Variants in UBXN7 observed in about 807,000 individuals in gnomAD.
The protein encoded by UBXN7 is UBX domain-containing protein 7.
UBXN7 carries 9 observed loss-of-function variants against 58.0 expected under a neutral mutation model. The observed-to-expected ratio is 0.16, with a 90% CI of 0.09 to 0.27. UBXN7 has a LOEUF of 0.27. UBXN7 is among the 10% of genes least tolerant of loss of function. The pLI is 1.00. For missense variants in UBXN7, 328 were observed against 599.6 expected (o/e 0.55, Z 4.73); for synonymous variants, 208 against 205.0 (o/e 1.01, Z -0.12).
At chr3:196,398,715 G>C (rs1180461149) in intron 3 of UBXN7, among the ~76,000 whole-genome samples, 1 of 152,114 alleles carries the variant, frequency 6.6e-6, no homozygotes, top group Non-Finnish European at 1.5e-5. Flanking sequence ...CTCATGCCTT[G>C]ACCTCCCAGG....
intron 1 of UBXN7, among the ~76,000 whole-genome samples, chr3:196,411,263 T>C (rs1270749998): frequency 1.3e-5 from 2 of 152,226 alleles, no homozygotes; most frequent in African/African-American, 4.8e-5. Flanking sequence ...ATGTGATCAA[T>C]GTCTGATAAA....
At chr3:196,401,430 A>G (rs921656867) in intron 3 of UBXN7, among the ~76,000 whole-genome samples, 10 of 150,684 alleles carry the variant, frequency 6.6e-5, no homozygotes, top group African/African-American at 2.4e-4. Context: ...ACATACATAT[A>G]ATTTTATTCA....
At position 196,355,766 on chromosome 3, in the gene UBXN7, C is replaced by G. The variant is rs1293197018; in HGVS notation, c.*919G>C. 1 of 152,188 alleles carries G rather than the reference C, an allele frequency of 6.6e-6. No individual in the cohort carries two copies. The highest frequency in any genetic ancestry group is 2.4e-5 in the African/African-American group (1 of 41,426). 9.4% of individuals were successfully genotyped at this position (152,188 alleles called of 1,614,324 possible). On this transcript the variant is annotated 3_prime_UTR_variant, in exon 11 of 11. Coordinates refer to ENST00000296328, the MANE Select transcript of UBXN7 (RefSeq NM_015562.2). ...ATCAATAACCATAGTGGTTACAATT[C>G]CAAGCCATTGTACTACATGATTATT...
intron 8 of UBXN7, among the ~76,000 whole-genome samples, chr3:196,367,658 T>G (rs1022596127): frequency 2.6e-5 from 4 of 152,166 alleles, no homozygotes; most frequent in African/African-American, 9.7e-5. Context: ...TATTTAGACC[T>G]GGATATCAGA....
At chr3:196,396,789 G>C (rs1729789519) in intron 3 of UBXN7, among the ~76,000 whole-genome samples, 1 of 151,914 alleles carries the variant, frequency 6.6e-6, no homozygotes, top group South Asian at 2.1e-4. Flanking sequence ...AAAAACCAAG[G>C]ATGTCTTAGA....
intron 1 of UBXN7, among the ~76,000 whole-genome samples, chr3:196,408,867 C>G (rs1730240590): frequency 6.6e-6 from 1 of 152,164 alleles, no homozygotes; most frequent in South Asian, 2.1e-4. Context: ...CAATTTCACT[C>G]TGATTTGTCA....
intron 5 of UBXN7, among the ~76,000 whole-genome samples, chr3:196,390,602 G>A (rs557488605): frequency 2.6e-5 from 4 of 152,112 alleles, no homozygotes; most frequent in East Asian, 1.9e-4. Context: ...TTAGCCAGGC[G>A]TGGTGGTGCG....
chr3:196,408,220 TA>T (rs1730222310), intron 1 of UBXN7, among the ~76,000 whole-genome samples: 1 of 152,064 alleles, frequency 6.6e-6, no homozygotes, highest in South Asian at 2.1e-4. Context: ...CTTCATCATT[TA>T]AAAATGTCCC....
In UBXN7 at chr3:196,362,890, C is replaced by A. The variant is rs527254183; in HGVS notation, c.835-203G>T. Among the ~76,000 whole-genome samples, 295 of 151,874 alleles carry A rather than the reference C, an allele frequency of 1.9e-3. 1 individual carries two copies. The highest frequency in any genetic ancestry group is 3.5e-3 in the Non-Finnish European group (240 of 67,918). Reference sequence around the variant, plus strand: ...ATGTGTGTGTATATACACACACACACGTTTTTGTTGTTTTGTTTTGTTTTG... The same window carrying A: ...ATGTGTGTGTATATACACACACACAAGTTTTTGTTGTTTTGTTTTGTTTTG... On this transcript the variant is annotated intron_variant, in intron 8 of 10. Coordinates refer to ENST00000296328, the MANE Select transcript of UBXN7 (RefSeq NM_015562.2).
intron 3 of UBXN7, among the ~76,000 whole-genome samples, chr3:196,399,143 CT>C (rs1174611846): frequency 2.0e-5 from 3 of 152,152 alleles, no homozygotes; most frequent in Non-Finnish European, 4.4e-5. Flanking sequence ...AGTGCTTTTC[CT>C]TAAGGTAATC....
chr3:196,385,160 G>A (rs1359432125), intron 5 of UBXN7, among the ~76,000 whole-genome samples: 5 of 152,136 alleles, frequency 3.3e-5, no homozygotes, highest in East Asian at 1.9e-4. Context: ...GCGCCACCAC[G>A]CCTGACTGGT....
intron 9 of UBXN7, 105 bp downstream of exon 9, chr3:196,362,189 T>G: frequency 7.1e-7 from 1 of 1,412,598 alleles, no homozygotes. Context: ...AGACAGGGTT[T>G]TGCCATGTTG....
rs759609811 is a variant in UBXN7, at chr3:196,371,862, T to C, written c.615+34A>G. 35 of 1,595,730 alleles carry C rather than the reference T, an allele frequency of 2.2e-5. 1 individual carries two copies. The South Asian group carries it at 4.0e-4, about 18-fold the overall frequency. On this transcript the variant is annotated intron_variant, in intron 6 of 10. Transcript: ENST00000296328. ...AACAACCCACACTACAAAAGTAAAA[T>C]TCTACAAAACTTCTGATTAACTCTC...
chr3:196,393,689 T>C (rs1729653869), intron 3 of UBXN7, 70 bp from the exon 4 acceptor site: 1 of 1,455,766 alleles, frequency 6.9e-7, no homozygotes, highest in Admixed American at 1.9e-5. Flanking sequence ...AATGTCCTTA[T>C]CTAAAAGTAT....
At chr3:196,390,803 G>C (rs1729559664) in intron 5 of UBXN7, among the ~76,000 whole-genome samples, 1 of 150,432 alleles carries the variant, frequency 6.6e-6, no homozygotes, top group Non-Finnish European at 1.5e-5. Context: ...TAATTCAAAA[G>C]AGCATTAACA....
chr3:196,386,290 T>C (rs1357343229), intron 5 of UBXN7, among the ~76,000 whole-genome samples: 2 of 149,550 alleles, frequency 1.3e-5, no homozygotes, highest in Admixed American at 6.8e-5. Flanking sequence ...TTTGTTCACA[T>C]GTTTATCTGC....
In UBXN7 at chr3:196,432,411, C is replaced by G; in HGVS notation, c.-12G>C. 1.9e-6 allele frequency: 3 copies of G among 1,583,230 alleles called. No individual in the cohort carries two copies. On this transcript the variant is annotated 5_prime_UTR_variant, in exon 1 of 11. Transcript: ENST00000296328. ...CCGTGGGCAGCCATCTTACCGCCGCCGCCGCCGCCGAACAACAACACAGAC... is the reference window on the plus strand; with the variant it reads ...CCGTGGGCAGCCATCTTACCGCCGCGGCCGCCGCCGAACAACAACACAGAC...
At chr3:196,359,424 T>C (rs1040457481) in intron 10 of UBXN7, among the ~76,000 whole-genome samples, 1 of 152,094 alleles carries the variant, frequency 6.6e-6, no homozygotes, top group Non-Finnish European at 1.5e-5. Flanking sequence ...GGCCTCTAAG[T>C]ACCCAAGTGA....
At chr3:196,404,711 T>TA (rs1178017137) in intron 2 of UBXN7, among the ~76,000 whole-genome samples, 1 of 152,172 alleles carries the variant, frequency 6.6e-6, no homozygotes, top group Non-Finnish European at 1.5e-5. Context: ...AACAACCAGT[T>TA]AAAGAAATTT....
Sources: allele counts gnomAD v4.1 joint callset (sites outside exome capture counted in the v4.1 genomes callset), GRCh38; gene constraint gnomAD v4.1.1; transcripts MANE v1.5; gene names NCBI Gene and HGNC (gene_info 2026-07-23, HGNC 2026-07-21).